CRADD: variants seen among roughly 807,000 people sequenced by gnomAD.
The protein encoded by CRADD is death domain-containing protein CRADD.
Under a neutral mutation model 15.5 loss-of-function variants are expected in CRADD, and 9 were observed. The observed-to-expected ratio is 0.58, with a 90% CI of 0.35 to 1.01. The LOEUF (loss-of-function observed/expected upper bound fraction) is 1.01, where lower values mean the gene tolerates loss of function less well. CRADD is among the 50% of genes least tolerant of loss of function. CRADD has a pLI of 0.02. For missense variants in CRADD, 227 were observed against 250.3 expected (o/e 0.91, Z 0.63); for synonymous variants, 118 against 107.6 (o/e 1.10, Z -0.60).
intron 2 of CRADD, among the ~76,000 whole-genome samples, chr12:93,814,903 TG>T (rs892110952): frequency 1.3e-5 from 2 of 152,262 alleles, no homozygotes; most frequent in African/African-American, 4.8e-5. Context: ...ATCAATTTTT[TG>T]TATGATTTTG....
intron 2 of CRADD, among the ~76,000 whole-genome samples, chr12:93,809,217 A>G (rs1164843625): frequency 6.6e-6 from 1 of 152,206 alleles, no homozygotes; most frequent in Non-Finnish European, 1.5e-5. Flanking sequence ...CCCAGCCTGA[A>G]TTTTGACTTC....
At chr12:93,718,908 C>T (rs907218962) in intron 2 of CRADD, among the ~76,000 whole-genome samples, 1 of 151,976 alleles carries the variant, frequency 6.6e-6, no homozygotes, top group South Asian at 2.1e-4. Context: ...TACAGATGTG[C>T]ACCACCATGC....
chr12:93,873,222 C>T (rs1016001275), intron 2 of CRADD, among the ~76,000 whole-genome samples: 2 of 140,584 alleles, frequency 1.4e-5, no homozygotes, highest in Admixed American at 7.1e-5. Flanking sequence ...TAACTGTTGG[C>T]ATATAGAAAC....
chr12:93,752,831 A>G (rs1176758290), intron 2 of CRADD, among the ~76,000 whole-genome samples: 1 of 152,226 alleles, frequency 6.6e-6, no homozygotes, highest in Non-Finnish European at 1.5e-5. Flanking sequence ...TACAAAAGGA[A>G]GAGGTTTATT....
chr12:93,815,756 T>C (rs1593013430), intron 2 of CRADD: 1 of 152,350 alleles, frequency 6.6e-6, no homozygotes, highest in East Asian at 1.9e-4. Context: ...GCCCATTCAG[T>C]CTTTCATGCA....
intron 2 of CRADD, among the ~76,000 whole-genome samples, chr12:93,776,269 T>C (rs569613868): frequency 6.6e-6 from 1 of 152,370 alleles, no homozygotes; most frequent in South Asian, 2.1e-4. Flanking sequence ...AATGTCTGCA[T>C]TTATTATGCA....
intron 2 of CRADD, among the ~76,000 whole-genome samples, chr12:93,819,938 G>A (rs1175292595): frequency 2.0e-5 from 3 of 152,272 alleles, no homozygotes; most frequent in Admixed American, 1.3e-4. Flanking sequence ...TTGACTTGAC[G>A]TTTTTCACTC....
At chr12:93,796,397 G>T (rs1024538057) in intron 2 of CRADD, among the ~76,000 whole-genome samples, 3 of 152,020 alleles carry the variant, frequency 2.0e-5, no homozygotes, top group Non-Finnish European at 4.4e-5. Context: ...TTGAGGTCAG[G>T]AATTCAAGAC....
At chr12:93,772,159 A>G (rs2136961561) in intron 2 of CRADD, among the ~76,000 whole-genome samples, 1 of 152,304 alleles carries the variant, frequency 6.6e-6, no homozygotes, top group Admixed American at 6.5e-5. Flanking sequence ...TCAAGTTGAC[A>G]TCCTTTGTGA....
At chr12:93,680,706 T>TA (rs939179274) in intron 2 of CRADD, among the ~76,000 whole-genome samples, 1 of 152,204 alleles carries the variant, frequency 6.6e-6, no homozygotes, top group East Asian at 1.9e-4. Context: ...GGAGAAATGT[T>TA]AAAAAATTAT....
chr12:93,873,089 A>G (rs7134396), intron 2 of CRADD, among the ~76,000 whole-genome samples: 31,991 of 151,858 alleles, frequency 0.21, 3,891 homozygotes, highest in Middle Eastern at 0.31. Context: ...TTCTTTCATC[A>G]GTGTTTTATA....
chr12:93,793,739 T>C (rs558267443), intron 2 of CRADD, among the ~76,000 whole-genome samples: 16 of 152,168 alleles, frequency 1.1e-4, no homozygotes, highest in Non-Finnish European at 1.8e-4. Context: ...GGGCAGATAA[T>C]TGTCAAAGCA....
intron 2 of CRADD, among the ~76,000 whole-genome samples, chr12:93,769,366 G>A (rs1296348649): frequency 6.6e-6 from 1 of 152,208 alleles, no homozygotes; most frequent in Non-Finnish European, 1.5e-5. Context: ...TTAAAGGCAT[G>A]AGCCACCACT....
At chr12:93,684,798 A>G (rs1955395345) in intron 2 of CRADD, among the ~76,000 whole-genome samples, 1 of 152,110 alleles carries the variant, frequency 6.6e-6, no homozygotes, top group African/African-American at 2.4e-5. Context: ...CAGGGAGGAG[A>G]GCTTTCAGAT....
At chr12:93,845,188 G>A (rs57303653) in intron 2 of CRADD, among the ~76,000 whole-genome samples, 40,619 of 151,934 alleles carry the variant, frequency 0.27, 6,156 homozygotes, top group African/African-American at 0.42. Context: ...CATGACTCCT[G>A]CCTCTCCTCC....
In CRADD at chr12:93,816,903, C is replaced by T. The variant is rs563726275; in HGVS notation, c.299-33067C>T. Among the ~76,000 whole-genome samples the T allele has an allele frequency of 4.7e-4, 72 of 152,226 alleles. 1 individual carries two copies. Among genetic ancestry groups the T allele is most frequent in the Middle Eastern group, 6.8e-3 (2 of 294 alleles). On this transcript the variant is annotated intron_variant, in intron 2 of 2. Transcript: ENST00000332896. The stretch of plus-strand genomic sequence containing the variant: ...GCTAAGACTTACTTGCAAGGTCATG[C>T]GACGACGTAGCAGGGTTCAAGCCTT...
At chr12:93,816,945 G>A (rs1158394442) in intron 2 of CRADD, among the ~76,000 whole-genome samples, 1 of 152,214 alleles carries the variant, frequency 6.6e-6, no homozygotes, top group Non-Finnish European at 1.5e-5. Flanking sequence ...GAGGACTAGT[G>A]ATCTGAAATC....
intron 2 of CRADD, among the ~76,000 whole-genome samples, chr12:93,744,179 G>C (rs774355114): frequency 1.3e-5 from 2 of 152,188 alleles, no homozygotes; most frequent in African/African-American, 2.4e-5. Flanking sequence ...CCTTCACAAG[G>C]CTGAAGTAAA....
chr12:93,860,678 C>T (rs1475622134), intron 2 of CRADD, among the ~76,000 whole-genome samples: 1 of 152,094 alleles, frequency 6.6e-6, no homozygotes, highest in Non-Finnish European at 1.5e-5. Flanking sequence ...AATGGGAAAA[C>T]CCTGAGATGG....
Sources: allele counts gnomAD v4.1 joint callset (sites outside exome capture counted in the v4.1 genomes callset), GRCh38; gene constraint gnomAD v4.1.1; transcripts MANE v1.5; gene names NCBI Gene and HGNC (gene_info 2026-07-23, HGNC 2026-07-21).